Variants in IPCEF1 observed in about 807,000 individuals in gnomAD.
IPCEF1 encodes the protein interactor protein for cytohesin exchange factors 1.
In IPCEF1, 31 loss-of-function variants were observed where a neutral mutation model predicts 50.9. The observed-to-expected ratio is 0.61, with a 90% CI of 0.46 to 0.82. IPCEF1 has a LOEUF of 0.82. IPCEF1 is among the 40% of genes least tolerant of loss of function. The pLI is 0.00. For missense variants in IPCEF1, 458 were observed against 514.0 expected, an observed-to-expected ratio of 0.89 and a Z score of 1.05; for synonymous variants, 181 against 192.0, an observed-to-expected ratio of 0.94 and a Z score of 0.47.
intron 1 of IPCEF1, among the ~76,000 whole-genome samples, chr6:154,332,638 C>T (rs779025808): frequency 1.4e-4 from 22 of 152,188 alleles, no homozygotes; most frequent in Non-Finnish European, 2.5e-4. Flanking sequence ...ATTCCTACAT[C>T]TCCTATGCTA....
chr6:154,336,105 A>G (rs1021001796), intron 1 of IPCEF1, among the ~76,000 whole-genome samples: 1 of 152,240 alleles, frequency 6.6e-6, no homozygotes, highest in Non-Finnish European at 1.5e-5. Context: ...GGAAAATAGT[A>G]TGAAGATTTC....
chr6:154,242,863 G>C (rs950697201), intron 5 of IPCEF1, among the ~76,000 whole-genome samples: 44 of 148,068 alleles, frequency 3.0e-4, no homozygotes, highest in African/African-American at 1.1e-3. Context: ...ACTCCAGCCT[G>C]GGCCATAGAG....
At chr6:154,174,176 T>G (rs1457722446) in intron 10 of IPCEF1, among the ~76,000 whole-genome samples, 1 of 152,124 alleles carries the variant, frequency 6.6e-6, no homozygotes, top group Non-Finnish European at 1.5e-5. Flanking sequence ...AAGGAAGTAC[T>G]AAACATGGAA....
intron 3 of IPCEF1, among the ~76,000 whole-genome samples, chr6:154,264,642 G>A (rs1781707016): frequency 6.6e-6 from 1 of 152,052 alleles, no homozygotes; most frequent in East Asian, 1.9e-4. Context: ...CCAAAGTGCT[G>A]GGATTACAGG....
chr6:154,183,605 A>G (rs1297778457), intron 10 of IPCEF1, among the ~76,000 whole-genome samples: 1 of 152,208 alleles, frequency 6.6e-6, no homozygotes, highest in Non-Finnish European at 1.5e-5. Context: ...ACAAAGTGAT[A>G]AAAAGAAAGA....
At chr6:154,301,262 A>C (rs762087583) in intron 1 of IPCEF1, among the ~76,000 whole-genome samples, 26 of 152,134 alleles carry the variant, frequency 1.7e-4, no homozygotes, top group Non-Finnish European at 3.2e-4. Context: ...ATGAGGAAGG[A>C]ATGATGAGGG....
intron 1 of IPCEF1, among the ~76,000 whole-genome samples, chr6:154,298,393 T>C (rs1782714579): frequency 6.6e-6 from 1 of 152,232 alleles, no homozygotes; most frequent in South Asian, 2.1e-4. Context: ...AGTTGGTTCC[T>C]AGAGAACCTC....
intron 1 of IPCEF1, among the ~76,000 whole-genome samples, chr6:154,327,679 A>G (rs922287500): frequency 6.6e-5 from 10 of 152,274 alleles, no homozygotes; most frequent in African/African-American, 2.2e-4. Context: ...TCAAAGACCT[A>G]GAGGCAGAAA....
chr6:154,293,576 A>T (rs1210707027), intron 1 of IPCEF1, among the ~76,000 whole-genome samples: 4 of 152,258 alleles, frequency 2.6e-5, no homozygotes, highest in Admixed American at 2.6e-4. Flanking sequence ...TGAGTGTGAT[A>T]TTATTGTTAC....
chr6:154,277,180 A>G (rs1782083785), intron 2 of IPCEF1, among the ~76,000 whole-genome samples: 1 of 152,238 alleles, frequency 6.6e-6, no homozygotes. Context: ...CTTAAACCAT[A>G]TCATGCTGGA....
intron 1 of IPCEF1, among the ~76,000 whole-genome samples, chr6:154,350,910 G>A (rs939367338): frequency 5.9e-5 from 9 of 151,866 alleles, no homozygotes; most frequent in Admixed American, 4.6e-4. Flanking sequence ...TTGTAGAGAT[G>A]GGATCTTGCT....
At chr6:154,297,770 C>T (rs1782700418) in intron 1 of IPCEF1, among the ~76,000 whole-genome samples, 1 of 152,168 alleles carries the variant, frequency 6.6e-6, no homozygotes, top group Non-Finnish European at 1.5e-5. Flanking sequence ...TTTGTGTCTG[C>T]AAGGCCTAGT....
intron 2 of IPCEF1, among the ~76,000 whole-genome samples, chr6:154,278,613 GC>G (rs1331939948): frequency 6.6e-6 from 1 of 152,094 alleles, no homozygotes; most frequent in Non-Finnish European, 1.5e-5. Flanking sequence ...TACATCACAT[GC>G]TTGATGGTGA....
intron 1 of IPCEF1, among the ~76,000 whole-genome samples, chr6:154,296,935 G>A (rs1219960279): frequency 6.6e-6 from 1 of 152,166 alleles, no homozygotes; most frequent in Non-Finnish European, 1.5e-5. Flanking sequence ...CCCAGCCACA[G>A]TGGAAGTCAG....
At chr6:154,294,091 A>G (rs1782577862) in intron 1 of IPCEF1, among the ~76,000 whole-genome samples, 1 of 152,210 alleles carries the variant, frequency 6.6e-6, no homozygotes, top group African/African-American at 2.4e-5. Context: ...TACCACTTTC[A>G]ATAATATATT....
intron 10 of IPCEF1, among the ~76,000 whole-genome samples, chr6:154,178,690 C>G (rs1020286358): frequency 1.4e-4 from 21 of 152,188 alleles, no homozygotes; most frequent in Middle Eastern, 6.8e-3. Flanking sequence ...TCAAAAAAAC[C>G]AATATCTTCA....
intron 9 of IPCEF1, among the ~76,000 whole-genome samples, chr6:154,202,110 T>C (rs1191608101): frequency 6.6e-6 from 1 of 152,234 alleles, no homozygotes; most frequent in African/African-American, 2.4e-5. Context: ...TTACCTAATG[T>C]GTACCCAATC....
chr6:154,336,724 C>G (rs139472656), intron 1 of IPCEF1, among the ~76,000 whole-genome samples: 166 of 152,254 alleles, frequency 1.1e-3, no homozygotes, highest in African/African-American at 3.5e-3. Flanking sequence ...CTGCCTCAGC[C>G]TCCCAGGTAA....
At chr6:154,215,388 G>T (rs790254) in intron 7 of IPCEF1, among the ~76,000 whole-genome samples, 82,940 of 151,856 alleles carry the variant, frequency 0.55, 23,107 homozygotes, top group South Asian at 0.76. Flanking sequence ...TGGATCACCT[G>T]AGGTCAGAAG....
Sources: allele counts gnomAD v4.1 joint callset (sites outside exome capture counted in the v4.1 genomes callset), GRCh38; gene constraint gnomAD v4.1.1; transcripts MANE v1.5; gene names NCBI Gene and HGNC (gene_info 2026-07-23, HGNC 2026-07-21).